DAGLB: variants seen among roughly 807,000 people sequenced by gnomAD.
DAGLB encodes diacylglycerol lipase-beta.
In DAGLB, 66 loss-of-function variants were observed where a neutral mutation model predicts 72.1. The ratio of observed to expected loss-of-function variants is 0.92; its 90% CI spans 0.75 to 1.12. DAGLB has a LOEUF of 1.12. Ranked by LOEUF, DAGLB falls within the 50% of genes most tolerant of loss-of-function variation. The pLI, the probability that DAGLB is intolerant of heterozygous loss-of-function variation, is 0.00. For synonymous variants in DAGLB, 414 were observed against 359.5 expected (o/e 1.15, Z -1.71); for missense variants, 1,065 against 884.9 (o/e 1.20, Z -2.58).
chr7:6,415,366 C>T (rs1281322018), intron 11 of DAGLB, among the ~76,000 whole-genome samples: 1 of 151,894 alleles, frequency 6.6e-6, no homozygotes, highest in African/African-American at 2.4e-5. Context: ...CGAAGAAAAG[C>T]TCTTTTTGTT....
chr7:6,441,218 G>C (rs928670052), intron 2 of DAGLB, among the ~76,000 whole-genome samples: 8 of 149,890 alleles, frequency 5.3e-5, no homozygotes, highest in Admixed American at 3.4e-4. Flanking sequence ...AGCCTCCCAA[G>C]TAGCTGGGAC....
At chr7:6,429,434 T>A (rs1784409787) in intron 6 of DAGLB, among the ~76,000 whole-genome samples, 1 of 151,448 alleles carries the variant, frequency 6.6e-6, no homozygotes, top group Non-Finnish European at 1.5e-5. Context: ...ATGTAACGCA[T>A]CATCCTGGAT....
At chr7:6,424,947 A>G (rs1784256395) in intron 7 of DAGLB, 112 bp from the exon 8 acceptor site, 5 of 1,021,068 alleles carry the variant, frequency 4.9e-6, no homozygotes, top group Non-Finnish European at 7.5e-6. Context: ...CGGCACAGAG[A>G]GGAGGGGACA....
intron 5 of DAGLB, among the ~76,000 whole-genome samples, chr7:6,430,861 C>T (rs966824993): frequency 2.6e-5 from 4 of 151,926 alleles, no homozygotes; most frequent in Admixed American, 6.6e-5. Context: ...CTGCTACCTC[C>T]GCCTCCCAGG....
chr7:6,428,330 A>AAG (rs1483087333), intron 6 of DAGLB, among the ~76,000 whole-genome samples: 2 of 150,628 alleles, frequency 1.3e-5, no homozygotes, highest in Non-Finnish European at 3.0e-5. Flanking sequence ...AAAAAAAAAA[A>AAG]AAAAAGAAAG....
intron 13 of DAGLB, among the ~76,000 whole-genome samples, chr7:6,410,809 A>G (rs1438672586): frequency 6.6e-6 from 1 of 151,314 alleles, no homozygotes; most frequent in Non-Finnish European, 1.5e-5. Flanking sequence ...AATTCAAGCG[A>G]TTCTCCTACC....
At chr7:6,445,278 A>G in intron 2 of DAGLB, among the ~76,000 whole-genome samples, 1 of 152,222 alleles carries the variant, frequency 6.6e-6, no homozygotes, top group Middle Eastern at 3.2e-3. Context: ...CATTCATTCG[A>G]TGCTCTTATT....
Position 6,410,138 on chromosome 7 carries a change from G to A in DAGLB, c.1812C>T (p.Ala604=), listed in dbSNP as rs1245664712. Residue 604 remains alanine, a synonymous_variant, in exon 14 of 15, where the codon GCC becomes GCT. Transcript: ENST00000297056. ...GRIIHLQEEG[A]SGRFGCCSAA... ...CACCACGCCGCACTCACCGCCCCGA[G>A]GCGCCCTCCTCCTGCAGGTGGATGA... 1.9e-6 allele frequency: 3 copies of A among 1,573,558 alleles called. No homozygotes were observed. Among genetic ancestry groups the A allele is most frequent in the Admixed American group, 1.8e-5 (1 of 56,006 alleles).
At chr7:6,411,979 G>GTGGTGCA (rs2115237041) in intron 13 of DAGLB, among the ~76,000 whole-genome samples, 1 of 103,626 alleles carries the variant, frequency 9.7e-6, no homozygotes, top group Non-Finnish European at 1.9e-5. Flanking sequence ...GCTGGAGTGC[G>GTGGTGCA]ATCTTGGCTT....
At chr7:6,426,461 A>C (rs1289663148) in intron 6 of DAGLB, among the ~76,000 whole-genome samples, 1 of 152,124 alleles carries the variant, frequency 6.6e-6, no homozygotes, top group Non-Finnish European at 1.5e-5. Context: ...GTACAGATAG[A>C]GTTTCGCCAT....
At chr7:6,427,757 C>T (rs1388714654) in intron 6 of DAGLB, among the ~76,000 whole-genome samples, 1 of 152,036 alleles carries the variant, frequency 6.6e-6, no homozygotes, top group Non-Finnish European at 1.5e-5. Flanking sequence ...TACCACTATA[C>T]TCTAGCCTGG....
intron 8 of DAGLB, chr7:6,422,110 T>G: frequency 2.3e-6 from 1 of 430,510 alleles, no homozygotes; most frequent in East Asian, 5.4e-5. Flanking sequence ...GCACAGAACC[T>G]GTGCCAGGGT....
chr7:6,415,508 A>G lies in DAGLB; in HGVS notation c.1427+1119T>C, dbSNP rs190257908. Among the ~76,000 whole-genome samples, 287 of 151,918 alleles carry G rather than the reference A, an allele frequency of 1.9e-3. 3 individuals carry two copies. Among genetic ancestry groups the G allele is most frequent in the Non-Finnish European group, 1.0e-3 (68 of 67,966 alleles). On this transcript the variant is annotated intron_variant, in intron 11 of 14. Transcript: ENST00000297056. ...CTTTATAATCATGGCAAAAGGTTAC[A>G]CAGAACAGTCAGTATGCTGGAATCA...
intron 2 of DAGLB, among the ~76,000 whole-genome samples, chr7:6,438,096 C>T (rs1238395154): frequency 1.3e-5 from 2 of 151,990 alleles, no homozygotes; most frequent in East Asian, 1.9e-4. Context: ...AGCAAACTAT[C>T]GCAAGGACAG....
chr7:6,410,028 A>G lies in DAGLB; in HGVS notation c.1828T>C (p.Cys610Arg). The G allele has an allele frequency of 1.2e-6, 2 of 1,613,088 alleles. No individual in the cohort carries two copies. Among genetic ancestry groups the G allele is most frequent in the Non-Finnish European group, 1.7e-6 (2 of 1,179,308 alleles). ...QEEGASGRFG[C>R]CSAAHYSAKW... ...GCGCTATAGTGAGCAGCAGAGCAGC[A>G]GCCAAACCTGAAGCAGAAAAGGAGA... The change falls in exon 15 of 15, where the codon TGC becomes CGC. Residue 610 changes from cysteine (C) to arginine (R), a missense_variant. By Grantham distance (180) the Cys-to-Arg change is radical. Transcript: ENST00000297056.
At chr7:6,441,092 A>ATTTTT (rs34344272) in intron 2 of DAGLB, among the ~76,000 whole-genome samples, 2 of 139,222 alleles carry the variant, frequency 1.4e-5, no homozygotes, top group Non-Finnish European at 3.1e-5. Context: ...CAAACTGACA[A>ATTTTT]TTTTTTTTTT....
At chr7:6,438,326 T>C (rs552896290) in intron 2 of DAGLB, among the ~76,000 whole-genome samples, 10 of 152,052 alleles carry the variant, frequency 6.6e-5, no homozygotes, top group Non-Finnish European at 1.5e-4. Flanking sequence ...GTTGTGCACA[T>C]GTACCATAGA....
chr7:6,420,550 G>A (rs770672339), intron 9 of DAGLB, among the ~76,000 whole-genome samples: 1 of 152,210 alleles, frequency 6.6e-6, no homozygotes, highest in African/African-American at 2.4e-5. Context: ...GTAGAACAGA[G>A]GTTCCCAGAG....
At position 6,412,950 on chromosome 7, in the gene DAGLB, C is replaced by CA. The variant is rs1384768682; in HGVS notation, c.1496+15dup. On this transcript the variant is annotated intron_variant, in intron 12 of 14. Transcript: ENST00000297056. The stretch of plus-strand genomic sequence containing the variant: ...CCCAACCCCCCAGCCCTGGGCACAG[C>CA]ACCAGGTGGGCTTACCTGGGAATCA... 6.2e-7 allele frequency: 1 copy of CA among 1,613,730 alleles called. No homozygotes were observed. Among genetic ancestry groups the CA allele is most frequent in the Non-Finnish European group, 8.5e-7 (1 of 1,179,868 alleles).
Sources: allele counts gnomAD v4.1 joint callset (sites outside exome capture counted in the v4.1 genomes callset), GRCh38; gene constraint gnomAD v4.1.1; transcripts MANE v1.5; gene names NCBI Gene and HGNC (gene_info 2026-07-23, HGNC 2026-07-21).